Variants in SMG5 observed in about 807,000 individuals in gnomAD.
SMG5 encodes SMG5 nonsense mediated mRNA decay factor.
In SMG5, 53 loss-of-function variants were observed where a neutral mutation model predicts 122.9. The ratio of observed to expected loss-of-function variants is 0.43; its 90% confidence interval spans 0.35 to 0.54. The LOEUF (loss-of-function observed/expected upper bound fraction) is 0.54. Ranked by LOEUF, SMG5 falls within the 20% of genes least tolerant of loss-of-function variation. The pLI, the probability that SMG5 is intolerant of heterozygous loss-of-function variation, is 0.01. For synonymous variants in SMG5, 477 were observed against 490.2 expected, an observed-to-expected ratio of 0.97 and a Z score of 0.35; for missense variants, 1,153 against 1,285.6, an observed-to-expected ratio of 0.90 and a Z score of 1.58.
rs764165157 is a variant in SMG5 at position 156,267,496 on chromosome 1, A to G, written c.1091T>C (p.Met364Thr). 1.1e-5 allele frequency: 17 copies of G among 1,614,190 alleles called. No homozygotes were observed. Among genetic ancestry groups the G allele is most frequent in the Admixed American group, 1.7e-5 (1 of 60,026 alleles). ...LIFQMVIICL[M>T]CVHSLERAGS... ...TGCTCTCTCCAAGCTGTGCACACAC[A>G]TAAGGCAGATGATGACCATTTGAAA... is the stretch of plus-strand genomic sequence containing the variant. The change falls in exon 10 of 22, where the codon ATG becomes ACG. Residue 364 changes from methionine to threonine, a missense_variant. Around this residue, in one of 5 missense-constraint regions of SMG5, gnomAD observed 631 missense variants for 650.6 expected, o/e 0.97. Coordinates refer to ENST00000361813, the MANE Select transcript of SMG5 (RefSeq NM_015327.3).
chr1:156,285,180 G>A, upstream of SMG5: 1 of 1,512,492 alleles, frequency 6.6e-7, no homozygotes, highest in Non-Finnish European at 8.8e-7. Flanking sequence ...TCTGTTCCCT[G>A]CAGGATGACA....
Position 156,273,354 on chromosome 1 carries a change from A to T in SMG5, c.634+7T>A. 1 of 1,612,998 alleles carries T rather than the reference A, an allele frequency of 6.2e-7. No individual in the cohort carries two copies. Among genetic ancestry groups the T allele is most frequent in the Non-Finnish European group, 8.5e-7 (1 of 1,179,714 alleles). ...GGATTCAGAGGCCCAAGTTGGGGAC[A>T]ACTTACCAATCTGAGGAGCTACTGA... On this transcript the variant is annotated splice_region_variant and intron_variant, in intron 6 of 21. Coordinates refer to ENST00000361813, the MANE Select transcript of SMG5 (RefSeq NM_015327.3).
the SMG5 span, chr1:156,290,842 T>A: frequency 2.6e-5 from 2 of 77,926 alleles, no homozygotes; most frequent in Non-Finnish European, 4.9e-5. Context: ...AATAAAAAAA[T>A]AATAATAATT....
chr1:156,273,247 T>G lies in SMG5; in HGVS notation c.634+114A>C, dbSNP rs890117757. 7 of 807,694 alleles carry G rather than the reference T, an allele frequency of 8.7e-6. No individual in the cohort carries two copies. In the African/African-American group the frequency reaches 1.0e-4, roughly 12 times the overall value. 50.0% of individuals were successfully genotyped at this position (807,694 alleles called of 1,614,324 possible). On this transcript the variant is annotated intron_variant, in intron 6 of 21. Coordinates refer to ENST00000361813, the MANE Select transcript of SMG5 (RefSeq NM_015327.3). ...TAAACAAGGTGAAGTACGAGAGAGC[T>G]GAGAATGAAGAGGAGCTGGGGAAAA... is the stretch of plus-strand genomic sequence containing the variant.
chr1:156,286,302 T>C (rs750272261), upstream of SMG5: 1 of 1,614,238 alleles, frequency 6.2e-7, no homozygotes, highest in Non-Finnish European at 8.5e-7. Context: ...TTTTCTGCCC[T>C]TCGGCCCTTT....
intron 13 of SMG5, among the ~76,000 whole-genome samples, chr1:156,262,219 G>A (rs1049536183): frequency 5.9e-5 from 9 of 151,948 alleles, no homozygotes; most frequent in Admixed American, 2.0e-4. Flanking sequence ...AAAGCAGGCC[G>A]GGCGCGGTGG....
chr1:156,263,280 G>A, intron 13 of SMG5, 115 bp downstream of exon 13: 1 of 1,184,942 alleles, frequency 8.4e-7, no homozygotes, highest in South Asian at 1.5e-5. Flanking sequence ...GTGATTAATT[G>A]CTTGGCAATA....
At chr1:156,287,606 CTTTTTTT>C (rs745468403), upstream of SMG5, among the ~76,000 whole-genome samples, 47 of 72,642 alleles carry the variant, frequency 6.5e-4, 1 homozygote, top group Non-Finnish European at 2.1e-4. Context: ...TTACTCTCCA[CTTTTTTT>C]TTTTTTTTTT....
At chr1:156,258,944 C>A in intron 16 of SMG5, 61 bp downstream of exon 16, 1 of 1,600,310 alleles carries the variant, frequency 6.2e-7, no homozygotes, top group Admixed American at 1.7e-5. Context: ...AGCCTCTTGC[C>A]CTGGTTTCTC....
intron 4 of SMG5, among the ~76,000 whole-genome samples, chr1:156,275,131 TAAAAA>T (rs760480249): frequency 3.5e-5 from 3 of 86,892 alleles, no homozygotes; most frequent in Non-Finnish European, 6.6e-5. Context: ...TGACGCCAAT[TAAAAA>T]AAAAAAAAAA....
chr1:156,254,082 C>T (rs1037877073), intron 16 of SMG5, among the ~76,000 whole-genome samples: 4 of 151,948 alleles, frequency 2.6e-5, no homozygotes, highest in African/African-American at 7.3e-5. Flanking sequence ...TGAATCTTCC[C>T]TTTCTCTCAG....
intron 9 of SMG5, 105 bp from the exon 10 acceptor site, chr1:156,267,783 G>A (rs1662223723): frequency 1.0e-6 from 1 of 986,242 alleles, no homozygotes; most frequent in African/African-American, 1.6e-5. Context: ...TGCTGCAGGG[G>A]AGACCTGAGA....
At position 156,282,721 on chromosome 1, in the gene SMG5, G is replaced by A. The variant is rs1453703231; in HGVS notation, c.-41C>T. ...GGGCAGCTCCCGGTCACAGGCCCCT[G>A]CCACCCACCACTACCGCCAACACTG... On this transcript the variant is annotated 5_prime_UTR_variant, in exon 1 of 22. Transcript: ENST00000361813. The A allele has an allele frequency of 4.5e-6, 7 of 1,560,872 alleles. No individual in the cohort carries two copies. The highest frequency in any genetic ancestry group is 1.8e-5 in the Admixed American group (1 of 54,444).
chr1:156,250,398 G>C lies in SMG5; in HGVS notation c.*189C>G. On this transcript the variant is annotated 3_prime_UTR_variant, in exon 22 of 22. Coordinates refer to ENST00000361813, the MANE Select transcript of SMG5 (RefSeq NM_015327.3). ...CTTTCCTCGCTTTCCTAACGTCTTGGCAACAAAGGGACCCCACCCTCCCAG... is the reference window on the plus strand; with the variant it reads ...CTTTCCTCGCTTTCCTAACGTCTTGCCAACAAAGGGACCCCACCCTCCCAG... The C allele has an allele frequency of 1.6e-6, 1 of 622,020 alleles. No individual in the cohort carries two copies. The highest frequency in any genetic ancestry group is 2.9e-6 in the Non-Finnish European group (1 of 347,388). 38.5% of individuals were successfully genotyped at this position (622,020 alleles called of 1,614,324 possible).
chr1:156,286,041 G>A (rs999417778), upstream of SMG5: 23 of 1,554,914 alleles, frequency 1.5e-5, no homozygotes, highest in Non-Finnish European at 1.8e-5. Flanking sequence ...GGCAGGGCCT[G>A]GCTGGTGTGG....
chr1:156,251,793 G>T (rs901566775), intron 19 of SMG5, among the ~76,000 whole-genome samples: 3 of 152,248 alleles, frequency 2.0e-5, no homozygotes, highest in African/African-American at 7.2e-5. Flanking sequence ...TTCCTGGCCA[G>T]CCAGAGCAGA....
upstream of SMG5, chr1:156,286,038 C>G (rs537032605): frequency 1.9e-6 from 3 of 1,560,488 alleles, no homozygotes; most frequent in Middle Eastern, 3.5e-4. Flanking sequence ...GAGGGCAGGG[C>G]CTGGCTGGTG....
At chr1:156,291,497 G>T in the SMG5 span, 5 of 1,612,804 alleles carry the variant, frequency 3.1e-6, no homozygotes, top group Admixed American at 6.7e-5. Context: ...CTACATGTTC[G>T]TGGTGGAGCC....
the SMG5 span, chr1:156,291,425 C>A: frequency 6.2e-7 from 1 of 1,614,088 alleles, no homozygotes; most frequent in Middle Eastern, 1.6e-4. Context: ...CCGCTCCTTC[C>A]GAGGCTTCGG....
Sources: gnomAD v4.1 joint callset for allele counts (sites outside exome capture counted in the v4.1 genomes callset) on GRCh38, gnomAD v4.1.1 for gene constraint, gnomAD v4.1.1 regional missense constraint, MANE v1.5 for transcripts, NCBI Gene and HGNC (gene_info 2026-07-23, HGNC 2026-07-21) for gene names.